The following COL4A4 variants were observed in gnomAD, a reference collection of about 807,000 sequenced individuals.
COL4A4 encodes the protein collagen alpha-4(IV) chain.
COL4A4 carries 105 observed loss-of-function variants against 192.9 expected under a neutral mutation model. That is an observed-to-expected ratio of 0.54 (90% CI 0.46 to 0.64). The LOEUF is 0.64. COL4A4 is among the 30% of genes least tolerant of loss of function. The probability of loss-of-function intolerance (pLI) is 0.00; values close to 1 mark genes in which losing one functional copy is unlikely to be tolerated. For synonymous variants in COL4A4, 762 were observed against 769.9 expected, an observed-to-expected ratio of 0.99 and a Z score of 0.17; for missense variants, 1,967 against 2,169.3, an observed-to-expected ratio of 0.91 and a Z score of 1.85.
the COL4A4 span, among the ~76,000 whole-genome samples, chr2:226,987,528 G>A: frequency 1.3e-5 from 2 of 152,344 alleles, no homozygotes; most frequent in South Asian, 4.1e-4. Context: ...CAGGTTGCTG[G>A]TGTGACACAT....
intron 35 of COL4A4, 23 bp downstream of exon 35, chr2:227,047,452 G>C (rs777607177): frequency 5.7e-6 from 9 of 1,588,000 alleles, no homozygotes; most frequent in Admixed American, 5.0e-5. Flanking sequence ...TTTTGTTTTA[G>C]TAAGAAAAAT....
chr2:227,033,441 C>CA lies in COL4A4; in HGVS notation c.3545dup (p.Leu1182PhefsTer8). On this transcript the variant is annotated frameshift_variant, in exon 38 of 48. Coordinates refer to ENST00000396625, the MANE Select transcript of COL4A4 (RefSeq NM_000092.5). LOFTEE classifies it high-confidence loss of function. ...CACCTTTAGTTCCTTTCTGACCTTT[C>CA]AATCCATGCAAGCCGTTCAGGCCAG... 6.2e-7 allele frequency: 1 copy of CA among 1,613,622 alleles called. No individual in the cohort carries two copies. Among genetic ancestry groups the CA allele is most frequent in the Non-Finnish European group, 8.5e-7 (1 of 1,180,008 alleles).
At position 227,008,008 on chromosome 2, in the gene COL4A4, C is replaced by T. The variant is rs761121901; in HGVS notation, c.4809+10G>A. On this transcript the variant is annotated intron_variant, in intron 47 of 47. Coordinates refer to ENST00000396625, the MANE Select transcript of COL4A4 (RefSeq NM_000092.5). ...GAATGAGCCAGGGTTTTCAAGGGCA[C>T]GGGACTCACCATCAGGAATGAATAC... is the stretch of plus-strand genomic sequence containing the variant. The T allele has an allele frequency of 1.3e-5, 21 of 1,607,604 alleles. No individual in the cohort carries two copies. Among genetic ancestry groups the T allele is most frequent in the Middle Eastern group, 3.3e-4 (2 of 6,076 alleles).
chr2:227,010,546 G>A, intron 45 of COL4A4, 45 bp from the exon 46 acceptor site: 1 of 1,450,676 alleles, frequency 6.9e-7, no homozygotes, highest in South Asian at 1.4e-5. Context: ...TAGGGGGTTT[G>A]GTTTAACAAA....
upstream of COL4A4, chr2:227,164,247 G>T (rs376849763): frequency 4.9e-5 from 9 of 185,534 alleles, 1 homozygote; most frequent in South Asian, 8.7e-4. This position sits in a 1 kb window ranked among gnomAD's most constrained non-coding sequence, Gnocchi z 4.8. Flanking sequence ...GGGCAGGGCC[G>T]CTGGCCACTC....
intron 17 of COL4A4, among the ~76,000 whole-genome samples, chr2:227,100,229 ACT>A (rs1170813997): frequency 1.3e-5 from 2 of 151,800 alleles, no homozygotes; most frequent in African/African-American, 4.8e-5. Flanking sequence ...AAAGCAGAAA[ACT>A]CTCTAAGATG....
chr2:226,998,629 CAGCTT>C (rs1194003875), downstream of COL4A4: 1 of 152,028 alleles, frequency 6.6e-6, no homozygotes, highest in Non-Finnish European at 1.5e-5. Context: ...CACAGACTCT[CAGCTT>C]AGAGAGTCAC....
intron 35 of COL4A4, among the ~76,000 whole-genome samples, chr2:227,043,834 C>T (rs1474035556): frequency 6.6e-6 from 1 of 152,148 alleles, no homozygotes; most frequent in Non-Finnish European, 1.5e-5. Context: ...GCCAAAATAA[C>T]ATTTCGCAGC....
At chr2:227,022,234 C>T in intron 43 of COL4A4, 61 bp from the exon 44 acceptor site, 2 of 1,604,772 alleles carry the variant, frequency 1.2e-6, no homozygotes, top group Non-Finnish European at 1.7e-6. Flanking sequence ...GCTCCTTCTA[C>T]AGTCTCTGGT....
intron 8 of COL4A4, among the ~76,000 whole-genome samples, chr2:227,112,619 TGGCATTAA>T (rs2061279644): frequency 6.6e-6 from 1 of 152,172 alleles, no homozygotes; most frequent in African/African-American, 2.4e-5. Flanking sequence ...GCCACTTAAG[TGGCATTAA>T]GTACATTCAC....
chr2:227,072,048 C>T (rs2058752155), intron 25 of COL4A4, among the ~76,000 whole-genome samples: 1 of 151,622 alleles, frequency 6.6e-6, no homozygotes, highest in Non-Finnish European at 1.5e-5. Flanking sequence ...AAAGATCAGA[C>T]TGAACCAAAT....
At chr2:227,142,075 C>CTTTAAAA (rs149330153) in intron 3 of COL4A4, among the ~76,000 whole-genome samples, 49,964 of 132,374 alleles carry the variant, frequency 0.38, 9,327 homozygotes, top group Non-Finnish European at 0.44. Context: ...GAAAGAATCA[C>CTTTAAAA]TTTAAAATAG....
the COL4A4 span, among the ~76,000 whole-genome samples, chr2:226,982,829 C>T: frequency 2.6e-5 from 4 of 152,192 alleles, no homozygotes. Context: ...AGGTGAATTC[C>T]CTTGTTCCTA....
chr2:227,108,504 A>C, intron 12 of COL4A4, 77 bp downstream of exon 12: 1 of 1,423,700 alleles, frequency 7.0e-7, no homozygotes, highest in South Asian at 1.2e-5. Flanking sequence ...ACAAGTTCAA[A>C]TAATCAGAAC....
At chr2:227,102,185 T>C (rs940322241) in intron 15 of COL4A4, among the ~76,000 whole-genome samples, 1 of 152,264 alleles carries the variant, frequency 6.6e-6, no homozygotes, top group Non-Finnish European at 1.5e-5. Context: ...AAATTTAATT[T>C]ACTTAACTTA....
At chr2:227,042,339 A>G (rs979801034) in intron 36 of COL4A4, 84 bp from the exon 37 acceptor site, 7 of 783,236 alleles carry the variant, frequency 8.9e-6, no homozygotes, top group Non-Finnish European at 1.1e-5. Flanking sequence ...TTCTTAATAT[A>G]TGGGTAACGG....
intron 8 of COL4A4, among the ~76,000 whole-genome samples, chr2:227,112,245 A>T (rs1308866254): frequency 6.6e-6 from 1 of 151,664 alleles, no homozygotes; most frequent in Non-Finnish European, 1.5e-5. Flanking sequence ...TGTAAAATAT[A>T]TGTAAGTTAA....
intron 9 of COL4A4, among the ~76,000 whole-genome samples, chr2:227,109,647 T>A (rs1358230638): frequency 2.0e-5 from 3 of 151,620 alleles, no homozygotes; most frequent in Non-Finnish European, 4.4e-5. Context: ...CTCGGGAGGC[T>A]GAGACAGGAG....
At position 227,008,033 on chromosome 2, in the gene COL4A4, C is replaced by T. The variant is rs764782090; in HGVS notation, c.4794G>A (p.Gly1598=). The T allele has an allele frequency of 5.0e-6, 8 of 1,611,938 alleles. No individual in the cohort carries two copies. The East Asian group carries it at 6.7e-5, about 13-fold the overall frequency. The change falls in exon 47 of 48, where the codon GGG becomes GGA. Residue 1598 remains glycine (G), a synonymous_variant. Coordinates refer to ENST00000396625, the MANE Select transcript of COL4A4 (RefSeq NM_000092.5). Reference sequence around the variant, plus strand: ...CGGGACTCACCATCAGGAATGAATACCCGATCCAGAGGCTCCTCCAGGTCT... The same window carrying T: ...CGGGACTCACCATCAGGAATGAATATCCGATCCAGAGGCTCCTCCAGGTCT... The part of the protein sequence containing the change: ...CPQTWRSLWI[G]YSFLMHTGAG...
Sources: gnomAD v4.1 joint callset for allele counts (sites outside exome capture counted in the v4.1 genomes callset) on GRCh38, gnomAD v4.1.1 for gene constraint, Gnocchi (gnomAD v3.1) non-coding constraint, MANE v1.5 for transcripts, NCBI Gene and HGNC (gene_info 2026-07-23, HGNC 2026-07-21) for gene names.